Variants in ADCY2 observed in about 807,000 individuals in gnomAD.
The protein encoded by ADCY2 is adenylate cyclase 2, also known as adenylate cyclase type 2.
ADCY2 carries 31 observed loss-of-function variants against 125.2 expected under a neutral mutation model. That is an observed-to-expected ratio of 0.25 (90% CI 0.19 to 0.33). The LOEUF is 0.33. Ranked by LOEUF, ADCY2 falls within the 10% of genes least tolerant of loss-of-function variation. The pLI is 1.00. For missense variants in ADCY2, 904 were observed against 1,418.2 expected (o/e 0.64, Z 5.82); for synonymous variants, 512 against 548.4 (o/e 0.93, Z 0.93).
chr5:7,548,605 C>T (rs1291455117), intron 3 of ADCY2, among the ~76,000 whole-genome samples: 1 of 152,188 alleles, frequency 6.6e-6, no homozygotes, highest in Non-Finnish European at 1.5e-5. Context: ...TATTCTGTCC[C>T]TTCAAGAATA....
intron 1 of ADCY2, among the ~76,000 whole-genome samples, chr5:7,413,734 A>G (rs989030355): frequency 6.6e-6 from 1 of 152,228 alleles, no homozygotes; most frequent in African/African-American, 2.4e-5. Context: ...AATGTTTTGC[A>G]GAAGCTAAAG....
intron 3 of ADCY2, among the ~76,000 whole-genome samples, chr5:7,592,043 G>A (rs1026596459): frequency 1.3e-5 from 2 of 152,020 alleles, no homozygotes; most frequent in African/African-American, 4.8e-5. Flanking sequence ...ATCCAAGCTT[G>A]CCATTTTTCT....
chr5:7,494,529 C>T (rs889106598), intron 2 of ADCY2, among the ~76,000 whole-genome samples: 1 of 152,100 alleles, frequency 6.6e-6, no homozygotes, highest in Non-Finnish European at 1.5e-5. Context: ...GTACTTCTTA[C>T]ATGTGCTCAA....
intron 3 of ADCY2, among the ~76,000 whole-genome samples, chr5:7,535,878 C>G (rs1197081301): frequency 2.6e-5 from 4 of 152,136 alleles, no homozygotes. Context: ...CAAGCAGCCC[C>G]CGCGATGTTT....
At chr5:7,505,751 G>A (rs574419943) in intron 2 of ADCY2, among the ~76,000 whole-genome samples, 25 of 152,278 alleles carry the variant, frequency 1.6e-4, no homozygotes, top group Admixed American at 7.2e-4. Context: ...GCTGATTTAT[G>A]TCTTTGTTGA....
rs1446808096 is a variant in ADCY2 at position 7,677,522 on chromosome 5, T to C, written c.721-13169T>C. Among the ~76,000 whole-genome samples, 4 of 152,160 alleles carry C rather than the reference T, an allele frequency of 2.6e-5. No homozygotes were observed. The East Asian group carries it at 7.7e-4, about 29-fold the overall frequency. On this transcript the variant is annotated intron_variant, in intron 4 of 24. Coordinates refer to ENST00000338316, the MANE Select transcript of ADCY2 (RefSeq NM_020546.3). ...ATAAGTTCTTGAAGATCCTCTCTCA[T>C]TTCCTGGGACTGCTGCCCTGAGAAC...
chr5:7,701,491 A>T (rs766749198), intron 7 of ADCY2, among the ~76,000 whole-genome samples: 12 of 152,176 alleles, frequency 7.9e-5, no homozygotes, highest in Non-Finnish European at 1.3e-4. Context: ...AATCATTTTT[A>T]TGTGTATATA....
intron 22 of ADCY2, among the ~76,000 whole-genome samples, chr5:7,813,815 C>T (rs115334819): frequency 5.2e-4 from 79 of 152,304 alleles, no homozygotes; most frequent in African/African-American, 1.9e-3. Context: ...TCTCAAGGAG[C>T]GGAGCTTGTT....
At chr5:7,728,185 A>G (rs1269327628) in intron 14 of ADCY2, among the ~76,000 whole-genome samples, 1 of 152,148 alleles carries the variant, frequency 6.6e-6, no homozygotes, top group Admixed American at 6.5e-5. Flanking sequence ...GGCAACTCAA[A>G]CTGCTTAGAT....
intron 18 of ADCY2, among the ~76,000 whole-genome samples, chr5:7,781,186 AGAAAGAGAGAGG>A (rs1560987000): frequency 6.6e-6 from 1 of 152,158 alleles, no homozygotes; most frequent in African/African-American, 2.4e-5. Flanking sequence ...GGAGAGAGAG[AGAAAGAGAGAGG>A]GAAAGAGAGA....
At chr5:7,724,409 T>G (rs1741868737) in intron 12 of ADCY2, 136 bp from the exon 13 acceptor site, 1 of 105,874 alleles carries the variant, frequency 9.4e-6, no homozygotes, top group Non-Finnish European at 1.9e-5. Context: ...GCATCACGTG[T>G]TTTTTTTTTT....
chr5:7,523,314 G>GT (rs1554016671), intron 3 of ADCY2, among the ~76,000 whole-genome samples: 1 of 106,166 alleles, frequency 9.4e-6, no homozygotes, highest in Non-Finnish European at 1.9e-5. Context: ...TCCTGCATTG[G>GT]TAAAAAAAAA....
rs891368019 is a variant in ADCY2, at chr5:7,396,601, G to C, written c.210+95G>C. 8 of 725,218 alleles carry C rather than the reference G, an allele frequency of 1.1e-5. No individual in the cohort carries two copies. The highest frequency in any genetic ancestry group is 1.5e-5 in the Non-Finnish European group (8 of 541,718). The allele number at this position is 725,218 out of a possible 1,614,324, so 44.9% of individuals were successfully genotyped here. The stretch of plus-strand genomic sequence containing the variant: ...CGCGTCCCGCTCCGGGCTGCCCCTC[G>C]GCCCGCGGCAGCCCCTCGGCCCGCG... On this transcript the variant is annotated intron_variant, in intron 1 of 24. Coordinates refer to ENST00000338316, the MANE Select transcript of ADCY2 (RefSeq NM_020546.3). This position sits in a 1 kb window ranked among gnomAD's most constrained non-coding sequence, Gnocchi z 5.7.
rs148713938 is a variant in ADCY2 at position 7,650,422 on chromosome 5, A to T, written c.720+24106A>T. Among the ~76,000 whole-genome samples, 4 of 152,292 alleles carry T rather than the reference A, an allele frequency of 2.6e-5. No individual in the cohort carries two copies. In the East Asian group the frequency reaches 7.7e-4, roughly 29 times the overall value. ...CCTTTGGTCTTTTGGACCTCATGAG[A>T]AGAATTAGATTCGATTAAGTAAAAT... On this transcript the variant is annotated intron_variant, in intron 4 of 24. Transcript: ENST00000338316.
intron 4 of ADCY2, among the ~76,000 whole-genome samples, chr5:7,632,345 G>A (rs1480702223): frequency 6.6e-6 from 1 of 152,112 alleles, no homozygotes; most frequent in Admixed American, 6.5e-5. Flanking sequence ...TAAATCATTA[G>A]TTGTGTCATT....
At chr5:7,412,867 C>G (rs944683632) in intron 1 of ADCY2, among the ~76,000 whole-genome samples, 1 of 152,222 alleles carries the variant, frequency 6.6e-6, no homozygotes, top group Non-Finnish European at 1.5e-5. Context: ...TAGTGCCCCC[C>G]ATCCTGCCTG....
At chr5:7,682,219 T>A (rs1417546805) in intron 4 of ADCY2, among the ~76,000 whole-genome samples, 1 of 152,194 alleles carries the variant, frequency 6.6e-6, no homozygotes, top group Non-Finnish European at 1.5e-5. Flanking sequence ...AATATTGAAT[T>A]AAGAGCACAC....
chr5:7,760,908 T>G (rs975794704), intron 16 of ADCY2, among the ~76,000 whole-genome samples: 1 of 152,158 alleles, frequency 6.6e-6, no homozygotes, highest in African/African-American at 2.4e-5. Flanking sequence ...CCCCATTTCC[T>G]GGCCTCCCCA....
At chr5:7,809,513 T>C (rs552482122) in intron 22 of ADCY2, among the ~76,000 whole-genome samples, 30 of 152,382 alleles carry the variant, frequency 2.0e-4, no homozygotes, top group African/African-American at 6.0e-4. Flanking sequence ...AAATACTTTC[T>C]ATTTATTGTT....
Sources: allele counts gnomAD v4.1 joint callset (sites outside exome capture counted in the v4.1 genomes callset), GRCh38; gene constraint gnomAD v4.1.1; non-coding constraint Gnocchi (gnomAD v3.1); transcripts MANE v1.5; gene names NCBI Gene and HGNC (gene_info 2026-07-23, HGNC 2026-07-21).